Variants in CNOT1 observed in about 807,000 individuals in gnomAD.
CNOT1 encodes CCR4-associated factor 1.
Under a neutral mutation model 273.8 loss-of-function variants are expected in CNOT1, and 15 were observed. That is an observed-to-expected ratio of 0.05 (90% CI 0.04 to 0.08). The LOEUF is 0.08. Among genes scored for constraint, CNOT1 ranks in the 10% least tolerant of loss-of-function variants. The probability of loss-of-function intolerance (pLI) is 1.00; values close to 1 mark genes in which losing one functional copy is unlikely to be tolerated. For synonymous variants in CNOT1, 1,022 were observed against 1,005.5 expected, an observed-to-expected ratio of 1.02 and a Z score of -0.31; for missense variants, 1,644 against 2,912.2, an observed-to-expected ratio of 0.56 and a Z score of 10.02.
At chr16:58,579,842 C>T (rs1179760151) in intron 12 of CNOT1, among the ~76,000 whole-genome samples, 4 of 152,164 alleles carry the variant, frequency 2.6e-5, no homozygotes, top group Non-Finnish European at 5.9e-5. Flanking sequence ...CTGATATACA[C>T]ACCAGGCCGG....
At chr16:58,574,843 C>T in intron 15 of CNOT1, 83 bp from the exon 16 acceptor site, 1 of 1,563,750 alleles carries the variant, frequency 6.4e-7, no homozygotes, top group South Asian at 1.2e-5. Flanking sequence ...AGCACTATAA[C>T]TAAAATCCAA....
At chr16:58,593,261 T>A (rs1472514886) in intron 2 of CNOT1, among the ~76,000 whole-genome samples, 1 of 152,000 alleles carries the variant, frequency 6.6e-6, no homozygotes, top group East Asian at 1.9e-4. Flanking sequence ...CAGTTCCTAC[T>A]AAAAATACAA....
intron 23 of CNOT1, 113 bp from the exon 24 acceptor site, chr16:58,551,385 A>G (rs1428543800): frequency 7.8e-7 from 1 of 1,279,826 alleles, no homozygotes; most frequent in Non-Finnish European, 1.1e-6. Flanking sequence ...ATGACTGTGT[A>G]TTAGAAATGT....
At chr16:58,609,732 G>A (rs2042823495) in intron 1 of CNOT1, among the ~76,000 whole-genome samples, 1 of 151,774 alleles carries the variant, frequency 6.6e-6, no homozygotes, top group Non-Finnish European at 1.5e-5. Flanking sequence ...CAAGGTGTTG[G>A]GATTATAGCC....
chr16:58,611,578 T>C (rs1347942812), intron 1 of CNOT1, among the ~76,000 whole-genome samples: 2 of 152,162 alleles, frequency 1.3e-5, no homozygotes, highest in Non-Finnish European at 2.9e-5. Context: ...CCCAACACTT[T>C]GGGAGGCCAA....
intron 1 of CNOT1, among the ~76,000 whole-genome samples, chr16:58,605,358 C>T (rs1567439916): frequency 6.6e-6 from 1 of 151,992 alleles, no homozygotes. Flanking sequence ...CAAAAATTGG[C>T]CGGGTGTGGT....
intron 16 of CNOT1, among the ~76,000 whole-genome samples, chr16:58,563,312 G>T (rs1007596160): frequency 2.0e-5 from 3 of 152,130 alleles, no homozygotes; most frequent in Non-Finnish European, 4.4e-5. Context: ...TCACTGTATG[G>T]GTTGGTAGCT....
In CNOT1 at chr16:58,541,637, C is replaced by A; in HGVS notation, c.4681-17G>T. 1 of 1,607,822 alleles carries A rather than the reference C, an allele frequency of 6.2e-7. No homozygotes were observed. The highest frequency in any genetic ancestry group is 1.3e-5 in the African/African-American group (1 of 74,486). On this transcript the variant is annotated splice_polypyrimidine_tract_variant and intron_variant, in intron 33 of 48. Coordinates refer to ENST00000317147, the MANE Select transcript of CNOT1 (RefSeq NM_016284.5). ...ACCACCAACCTTGAAAGAAGAAAACCTATTTTGACAGAATTCACTCAATAA... is the reference window on the plus strand; with the variant it reads ...ACCACCAACCTTGAAAGAAGAAAACATATTTTGACAGAATTCACTCAATAA...
intron 43 of CNOT1, among the ~76,000 whole-genome samples, chr16:58,529,214 C>T (rs999259074): frequency 5.9e-5 from 9 of 152,054 alleles, no homozygotes; most frequent in African/African-American, 2.2e-4. Context: ...AAATAGAACA[C>T]CTTAGCACAC....
intron 1 of CNOT1, among the ~76,000 whole-genome samples, chr16:58,607,443 T>C (rs1390963161): frequency 1.3e-5 from 2 of 152,090 alleles, no homozygotes; most frequent in Non-Finnish European, 2.9e-5. Flanking sequence ...AAAATGGCTA[T>C]CTAGGCTGGG....
At chr16:58,598,589 G>C (rs56093443) in intron 2 of CNOT1, among the ~76,000 whole-genome samples, 13,827 of 149,418 alleles carry the variant, frequency 0.093, 851 homozygotes, top group Non-Finnish European at 0.13. Context: ...ATTGCAGTAA[G>C]ACAAAATTGC....
intron 13 of CNOT1, 106 bp from the exon 14 acceptor site, chr16:58,576,688 T>A: frequency 6.6e-7 from 1 of 1,507,192 alleles, no homozygotes; most frequent in Non-Finnish European, 8.9e-7. Flanking sequence ...AAATCAGGTA[T>A]ACCTGTGCTG....
At chr16:58,526,212 G>C in intron 44 of CNOT1, 74 bp from the exon 45 acceptor site, 4 of 1,540,582 alleles carry the variant, frequency 2.6e-6, no homozygotes, top group Non-Finnish European at 2.7e-6. Flanking sequence ...CTTAAGTGGT[G>C]GGACTGTTTT....
At chr16:58,525,090 G>A in intron 46 of CNOT1, 89 bp downstream of exon 46, 1 of 1,220,944 alleles carries the variant, frequency 8.2e-7, no homozygotes, top group Non-Finnish European at 1.2e-6. Context: ...CTTCACTATT[G>A]TGGCTTGAAG....
intron 1 of CNOT1, among the ~76,000 whole-genome samples, chr16:58,617,365 A>AT (rs1277995121): frequency 1.3e-5 from 2 of 151,926 alleles, no homozygotes; most frequent in Non-Finnish European, 2.9e-5. Context: ...TCTCAAAAAA[A>AT]TTTTTTTAAT....
At position 58,615,684 on chromosome 16, in the gene CNOT1, G is replaced by T. The variant is rs865869387; in HGVS notation, c.-175+14044C>A. ...CTAATAACAGACAAAATGATCAAATGAACATTTTTAGAAGTTACTCTTGAT... is the reference window on the plus strand; with the variant it reads ...CTAATAACAGACAAAATGATCAAATTAACATTTTTAGAAGTTACTCTTGAT... On this transcript the variant is annotated intron_variant, in intron 1 of 48. Coordinates refer to ENST00000317147, the MANE Select transcript of CNOT1 (RefSeq NM_016284.5). Among the ~76,000 whole-genome samples, 33 of 125,856 alleles carry T rather than the reference G, an allele frequency of 2.6e-4. 11 individuals carry two copies. The highest frequency in any genetic ancestry group is 3.9e-4 in the Admixed American group (5 of 12,716). 82.6% of individuals were successfully genotyped at this position (125,856 alleles called of 152,430 possible). A position where few individuals can be genotyped will look rare whatever the true frequency, so the allele number is the denominator to read the frequency against.
chr16:58,598,840 T>C (rs911527312), intron 2 of CNOT1, among the ~76,000 whole-genome samples: 9 of 152,174 alleles, frequency 5.9e-5, no homozygotes, highest in African/African-American at 1.9e-4. Context: ...GGCGGATCAC[T>C]TGAGGTTGGG....
intron 16 of CNOT1, among the ~76,000 whole-genome samples, chr16:58,562,078 T>C (rs1273603263): frequency 6.6e-6 from 1 of 151,574 alleles, no homozygotes; most frequent in African/African-American, 2.4e-5. Flanking sequence ...CGGGCACCTC[T>C]AATCCCAGCT....
chr16:58,613,031 C>T (rs1334772644), intron 1 of CNOT1, among the ~76,000 whole-genome samples: 1 of 151,816 alleles, frequency 6.6e-6, no homozygotes, highest in Non-Finnish European at 1.5e-5. Flanking sequence ...AGATACTGAG[C>T]AGTAGAGGTT....
Sources: allele counts gnomAD v4.1 joint callset (sites outside exome capture counted in the v4.1 genomes callset), GRCh38; gene constraint gnomAD v4.1.1; transcripts MANE v1.5; gene names NCBI Gene and HGNC (gene_info 2026-07-23, HGNC 2026-07-21).